Variants in NECTIN3 observed in about 807,000 individuals in gnomAD.
The protein encoded by NECTIN3 is nectin cell adhesion molecule 3.
NECTIN3 carries 8 observed loss-of-function variants against 49.4 expected under a neutral mutation model. That is an observed-to-expected ratio of 0.16 (90% CI 0.10 to 0.29). The LOEUF (loss-of-function observed/expected upper bound fraction) is 0.29, where lower values mean the gene tolerates loss of function less well. NECTIN3 is among the 10% of genes least tolerant of loss of function. The pLI, the probability that NECTIN3 is intolerant of heterozygous loss-of-function variation, is 1.00. For missense variants in NECTIN3, 581 were observed against 654.6 expected, an observed-to-expected ratio of 0.89 and a Z score of 1.23; for synonymous variants, 277 against 241.1, an observed-to-expected ratio of 1.15 and a Z score of -1.38.
chr3:111,109,128 G>C, intron 1 of NECTIN3, among the ~76,000 whole-genome samples: 1 of 152,140 alleles, frequency 6.6e-6, no homozygotes, highest in South Asian at 2.1e-4. Flanking sequence ...CCTAGAAAAA[G>C]TGAGGGAGTG....
chr3:111,176,707 A>C (rs1238704798), intron 7 of NECTIN3, among the ~76,000 whole-genome samples: 1 of 151,858 alleles, frequency 6.6e-6, no homozygotes, highest in Non-Finnish European at 1.5e-5. Flanking sequence ...GAAAAATATC[A>C]TTCAATTAAA....
At chr3:111,083,694 G>A (rs189200829) in intron 1 of NECTIN3, among the ~76,000 whole-genome samples, 1 of 152,240 alleles carries the variant, frequency 6.6e-6, no homozygotes, top group Admixed American at 6.5e-5. Flanking sequence ...TGACCCCGTG[G>A]TTAAAAGACA....
intron 1 of NECTIN3, among the ~76,000 whole-genome samples, chr3:111,075,660 A>G (rs2031135338): frequency 6.6e-6 from 1 of 152,138 alleles, no homozygotes. Flanking sequence ...CTTTACATCT[A>G]TATATTGAGT....
At chr3:111,160,858 T>G (rs1391851010) in intron 7 of NECTIN3, among the ~76,000 whole-genome samples, 1 of 151,998 alleles carries the variant, frequency 6.6e-6, no homozygotes, top group Admixed American at 6.6e-5. Context: ...ATACAAAAAC[T>G]TAGCCGGGTG....
intron 7 of NECTIN3, among the ~76,000 whole-genome samples, chr3:111,156,176 T>C (rs931995306): frequency 6.6e-6 from 1 of 152,238 alleles, no homozygotes; most frequent in African/African-American, 2.4e-5. Context: ...CCTTCACTGG[T>C]GCTTAAAGCT....
chr3:111,101,195 A>G (rs1213613112), intron 1 of NECTIN3, among the ~76,000 whole-genome samples: 2 of 152,170 alleles, frequency 1.3e-5, no homozygotes, highest in Non-Finnish European at 2.9e-5. Flanking sequence ...TCACCCACAC[A>G]GTAAATTCAA....
chr3:111,098,121 T>C (rs557931296), intron 1 of NECTIN3, among the ~76,000 whole-genome samples: 2 of 152,320 alleles, frequency 1.3e-5, no homozygotes, highest in East Asian at 3.9e-4. Flanking sequence ...TGTAAAGTTA[T>C]CTGGATTTAG....
chr3:111,122,099 C>G, intron 3 of NECTIN3, 22 bp from the exon 4 acceptor site: 1 of 1,433,706 alleles, frequency 7.0e-7, no homozygotes, highest in Non-Finnish European at 9.8e-7. Context: ...GTAATCTGTC[C>G]TGTCATGCAT....
downstream of NECTIN3, among the ~76,000 whole-genome samples, chr3:111,141,409 CAT>C (rs1357412742): frequency 6.6e-6 from 1 of 151,862 alleles, no homozygotes; most frequent in African/African-American, 2.4e-5. Context: ...TAGGTGTACA[CAT>C]ATGTTTCAAT....
At position 111,118,880 on chromosome 3, in the gene NECTIN3, C is replaced by A; in HGVS notation, c.727C>A (p.Arg243=). The part of the protein sequence containing the change: ...LFPTRFARGR[R]ITCVVKHPAL... ...TCCAACCAGATTTGCTAGAGGAAGG[C>A]GAATTACTTGTGTTGTAAAACATCC... is the stretch of plus-strand genomic sequence containing the variant. Residue 243 remains arginine (R), a synonymous_variant, in exon 3 of 6, where the codon CGA becomes AGA. Coordinates refer to ENST00000485303, the MANE Select transcript of NECTIN3 (RefSeq NM_015480.3). The A allele has an allele frequency of 1.2e-6, 2 of 1,614,046 alleles. No individual in the cohort carries two copies. Among genetic ancestry groups the A allele is most frequent in the Non-Finnish European group, 1.7e-6 (2 of 1,179,996 alleles).
At chr3:111,144,807 A>C (rs2034834267) in intron 5 of NECTIN3, 4 of 1,356,996 alleles carry the variant, frequency 2.9e-6, no homozygotes, top group Non-Finnish European at 3.9e-6. Context: ...AACATACTTC[A>C]GTCAAATAGT....
At chr3:111,183,514 A>G (rs1414410027) in intron 7 of NECTIN3, among the ~76,000 whole-genome samples, 1 of 152,028 alleles carries the variant, frequency 6.6e-6, no homozygotes, top group Non-Finnish European at 1.5e-5. Context: ...GGGTTTTACC[A>G]TGTTGGCCAG....
At chr3:111,142,058 C>T (rs756092768), downstream of NECTIN3, among the ~76,000 whole-genome samples, 1 of 151,690 alleles carries the variant, frequency 6.6e-6, no homozygotes, top group Non-Finnish European at 1.5e-5. Flanking sequence ...GAGATATGTG[C>T]GAAACAGTGT....
rs1038619667 is a variant in NECTIN3 at position 111,137,318 on chromosome 3, CTT to C, written c.*3104_*3105del. ...TAGATTGAATTGTCTTTCCTGTTTA[CTT>C]GTTAATTAGAAAATGCATCCTTCAT... On this transcript the variant is annotated 3_prime_UTR_variant, in exon 6 of 6. Coordinates refer to ENST00000485303, the MANE Select transcript of NECTIN3 (RefSeq NM_015480.3). The C allele has an allele frequency of 1.0e-6, 1 of 972,306 alleles. No individual in the cohort carries two copies. The highest frequency in any genetic ancestry group is 1.2e-6 in the Non-Finnish European group (1 of 818,398). 60.2% of individuals were successfully genotyped at this position (972,306 alleles called of 1,614,324 possible). A position where few individuals can be genotyped will look rare whatever the true frequency, so the allele number is the denominator to read the frequency against.
chr3:111,149,402 TTACAA>T (rs1375851181), intron 7 of NECTIN3, among the ~76,000 whole-genome samples: 37 of 151,640 alleles, frequency 2.4e-4, no homozygotes, highest in Non-Finnish European at 2.9e-5. Context: ...ATTGACAACT[TTACAA>T]TAATGTCATT....
intron 7 of NECTIN3, among the ~76,000 whole-genome samples, chr3:111,182,839 CT>C (rs1160057259): frequency 3.3e-5 from 5 of 151,978 alleles, no homozygotes; most frequent in African/African-American, 1.2e-4. Flanking sequence ...TTTTACTTAA[CT>C]TATTTATTGC....
At chr3:111,126,059 A>G (rs1190023733) in intron 4 of NECTIN3, 125 bp from the exon 5 acceptor site, 1 of 645,406 alleles carries the variant, frequency 1.5e-6, no homozygotes, top group African/African-American at 1.9e-5. Flanking sequence ...ACTTTCAGTG[A>G]ATTTTGTCTG....
intron 1 of NECTIN3, among the ~76,000 whole-genome samples, chr3:111,075,972 T>C (rs2031166586): frequency 6.6e-6 from 1 of 152,148 alleles, no homozygotes; most frequent in Admixed American, 6.6e-5. Flanking sequence ...TGAGTCTTTC[T>C]GCATCCTAAA....
In NECTIN3 at chr3:111,135,353, CT is replaced by C. The variant is rs1382085231; in HGVS notation, c.*1139del. On this transcript the variant is annotated 3_prime_UTR_variant, in exon 6 of 6. Coordinates refer to ENST00000485303, the MANE Select transcript of NECTIN3 (RefSeq NM_015480.3). ...AGTGTATGTATGTGTTTTAAGATTT[CT>C]GTTTTTACGATTAAAACTGGAAACA... 1.8e-5 allele frequency: 17 copies of C among 940,398 alleles called. No homozygotes were observed. Among genetic ancestry groups the C allele is most frequent in the Non-Finnish European group, 2.2e-5 (17 of 789,440 alleles). 58.3% of individuals were successfully genotyped at this position (940,398 alleles called of 1,614,324 possible). A position where few individuals can be genotyped will look rare whatever the true frequency, so the allele number is the denominator to read the frequency against.
Sources: gnomAD v4.1 joint callset for allele counts (sites outside exome capture counted in the v4.1 genomes callset) on GRCh38, gnomAD v4.1.1 for gene constraint, MANE v1.5 for transcripts, NCBI Gene and HGNC (gene_info 2026-07-23, HGNC 2026-07-21) for gene names.